KCNK2: variants seen among roughly 807,000 people sequenced by gnomAD.
KCNK2 encodes the protein potassium two pore domain channel subfamily K member 2, also known as potassium channel subfamily K member 2.
Under a neutral mutation model 40.5 loss-of-function variants are expected in KCNK2, and 21 were observed. The observed-to-expected ratio is 0.52, with a 90% CI of 0.37 to 0.75. The LOEUF (loss-of-function observed/expected upper bound fraction) is 0.75, where lower values mean the gene tolerates loss of function less well. Among genes scored for constraint, KCNK2 ranks in the 30% least tolerant of loss-of-function variants. KCNK2 has a pLI of 0.00. For missense variants in KCNK2, 399 were observed against 531.6 expected (o/e 0.75, Z 2.45); for synonymous variants, 191 against 202.2 (o/e 0.94, Z 0.47).
Position 215,146,880 on chromosome 1 carries a change from T to C in KCNK2, c.475+22130T>C, listed in dbSNP as rs551856075. Among the ~76,000 whole-genome samples the C allele has an allele frequency of 2.0e-5, 3 of 152,296 alleles. No homozygotes were observed. In the South Asian group the frequency reaches 6.2e-4, roughly 32 times the overall value. On this transcript the variant is annotated intron_variant, in intron 3 of 6. Coordinates refer to ENST00000444842, the MANE Select transcript of KCNK2 (RefSeq NM_001017425.3). ...GTTGTACTTAAACCTCGTAGGATTG[T>C]TGAGCAAGTTAAAATAAGCGTACAC... is the stretch of plus-strand genomic sequence containing the variant.
intron 3 of KCNK2, among the ~76,000 whole-genome samples, chr1:215,156,061 CTGTGTG>C (rs112439818): frequency 6.7e-6 from 1 of 148,638 alleles, no homozygotes; most frequent in Non-Finnish European, 1.5e-5. Flanking sequence ...TATAGGTAGT[CTGTGTG>C]TGTGTGTGTG....
chr1:215,094,263 C>A (rs1181581919), intron 2 of KCNK2, among the ~76,000 whole-genome samples: 2 of 151,874 alleles, frequency 1.3e-5, no homozygotes, highest in African/African-American at 4.8e-5. Flanking sequence ...ATTTTAGGGA[C>A]ATAAAAATAG....
At chr1:215,167,279 G>A (rs370637104) in intron 3 of KCNK2, among the ~76,000 whole-genome samples, 1 of 151,438 alleles carries the variant, frequency 6.6e-6, no homozygotes, top group Non-Finnish European at 1.5e-5. Context: ...AAATCACACG[G>A]CCCATAATCT....
intron 1 of KCNK2, chr1:215,006,101 G>GTAAA: frequency 1.5e-6 from 1 of 667,692 alleles, no homozygotes; most frequent in Non-Finnish European, 2.6e-6. Flanking sequence ...TTCCAACAGA[G>GTAAA]GGTTAGTTGC....
intron 2 of KCNK2, among the ~76,000 whole-genome samples, chr1:215,104,748 G>T (rs1660364610): frequency 6.6e-6 from 1 of 151,992 alleles, no homozygotes; most frequent in Non-Finnish European, 1.5e-5. Context: ...AGACAACTCA[G>T]AATTTTAAAA....
At chr1:215,198,039 C>A (rs79362940) in intron 6 of KCNK2, among the ~76,000 whole-genome samples, 1 of 152,038 alleles carries the variant, frequency 6.6e-6, no homozygotes, top group African/African-American at 2.4e-5. Context: ...ACAAAAAAAA[C>A]AAGGTTGTGT....
At chr1:215,214,180 A>G (rs914536037) in intron 6 of KCNK2, among the ~76,000 whole-genome samples, 1 of 152,200 alleles carries the variant, frequency 6.6e-6, no homozygotes, top group Non-Finnish European at 1.5e-5. Context: ...TGCAAGCTGT[A>G]CAGACGCATG....
upstream of KCNK2, chr1:215,081,662 C>T (rs1277485664): frequency 1.3e-5 from 2 of 151,918 alleles, no homozygotes; most frequent in Non-Finnish European, 2.9e-5. Context: ...TCTGGCCGAG[C>T]AGCAGTTATG....
Position 215,236,607 on chromosome 1 carries a change from A to C in KCNK2, c.*1462A>C, listed in dbSNP as rs1047904574. ...CTTTGGATGGTTCCAAGATTCAGAA[A>C]AAATTCAGTAAATGCACCCCGTAAA... On this transcript the variant is annotated 3_prime_UTR_variant, in exon 7 of 7. Coordinates refer to ENST00000444842, the MANE Select transcript of KCNK2 (RefSeq NM_001017425.3). The C allele has an allele frequency of 6.6e-6, 1 of 152,618 alleles. No homozygotes were observed. Among genetic ancestry groups the C allele is most frequent in the Non-Finnish European group, 1.5e-5 (1 of 68,040 alleles). 9.5% of individuals were successfully genotyped at this position (152,618 alleles called of 1,614,324 possible).
At chr1:215,068,427 G>A (rs1658634565) in intron 1 of KCNK2, among the ~76,000 whole-genome samples, 1 of 152,126 alleles carries the variant, frequency 6.6e-6, no homozygotes. Context: ...AAGAAGGTTG[G>A]CAAGGCATTC....
At chr1:215,068,049 CTTTT>C (rs397782084) in intron 1 of KCNK2, among the ~76,000 whole-genome samples, 1 of 138,204 alleles carries the variant, frequency 7.2e-6, no homozygotes. Flanking sequence ...GTTTCTTTTT[CTTTT>C]TTTTTTTTTT....
chr1:215,040,897 C>T (rs1258023793), intron 1 of KCNK2, among the ~76,000 whole-genome samples: 1 of 152,142 alleles, frequency 6.6e-6, no homozygotes, highest in Non-Finnish European at 1.5e-5. Context: ...AGGAACCATG[C>T]TGTGTGTGGA....
chr1:215,016,251 A>G (rs1287947333), intron 1 of KCNK2, among the ~76,000 whole-genome samples: 1 of 152,094 alleles, frequency 6.6e-6, no homozygotes, highest in Non-Finnish European at 1.5e-5. Context: ...GCATACGGAG[A>G]CAAAAAAATG....
At chr1:215,192,198 A>C (rs548303924) in intron 5 of KCNK2, among the ~76,000 whole-genome samples, 1 of 152,354 alleles carries the variant, frequency 6.6e-6, no homozygotes, top group Admixed American at 6.5e-5. Flanking sequence ...AAATTAATTC[A>C]TGAATCTTAG....
intron 2 of KCNK2, among the ~76,000 whole-genome samples, chr1:215,088,620 A>G (rs893876428): frequency 6.6e-6 from 1 of 151,448 alleles, no homozygotes; most frequent in Non-Finnish European, 1.5e-5. Flanking sequence ...ACAACACTGG[A>G]AGAAATTATG....
At chr1:215,045,538 AT>A (rs1657736898) in intron 1 of KCNK2, among the ~76,000 whole-genome samples, 1 of 152,222 alleles carries the variant, frequency 6.6e-6, no homozygotes, top group Non-Finnish European at 1.5e-5. Context: ...ATTTTTAAGG[AT>A]TATGCATATC....
At chr1:215,212,443 C>G (rs1211205307) in intron 6 of KCNK2, among the ~76,000 whole-genome samples, 1 of 152,120 alleles carries the variant, frequency 6.6e-6, no homozygotes, top group Non-Finnish European at 1.5e-5. Context: ...AAGGTGAAAT[C>G]TATGGCTGAG....
In KCNK2 at chr1:215,177,631, T is replaced by A. The variant is rs150717703; in HGVS notation, c.823+5448T>A. On this transcript the variant is annotated intron_variant, in intron 5 of 6. Transcript: ENST00000444842. ...AGGGAATCCTTTCCTCACTACTAATTTTTATTGACTTTGTCAAACATCACA... is the reference window on the plus strand; with the variant it reads ...AGGGAATCCTTTCCTCACTACTAATATTTATTGACTTTGTCAAACATCACA... 2.3e-3 allele frequency among the ~76,000 whole-genome samples: 347 copies of A among 151,196 alleles called. 1 individual carries two copies. Among genetic ancestry groups the A allele is most frequent in the African/African-American group, 7.8e-3 (322 of 41,358 alleles).
intron 5 of KCNK2, 34 bp from the exon 6 acceptor site, chr1:215,194,919 G>T: frequency 6.2e-7 from 1 of 1,604,978 alleles, no homozygotes; most frequent in Non-Finnish European, 8.5e-7. Context: ...TTAAGACTAT[G>T]AAGTTATTTT....
Sources: allele counts gnomAD v4.1 joint callset (sites outside exome capture counted in the v4.1 genomes callset), GRCh38; gene constraint gnomAD v4.1.1; transcripts MANE v1.5; gene names NCBI Gene and HGNC (gene_info 2026-07-23, HGNC 2026-07-21).